The following OARD1 variants were observed in gnomAD, a reference collection of about 807,000 sequenced individuals.
OARD1 encodes the protein ADP-ribose glycohydrolase OARD1.
In OARD1, 19 loss-of-function variants were observed where a neutral mutation model predicts 19.7. The ratio of observed to expected loss-of-function variants is 0.96; its 90% CI spans 0.67 to 1.41. The LOEUF (loss-of-function observed/expected upper bound fraction) is 1.41, where lower values mean the gene tolerates loss of function less well. Among genes scored for constraint, OARD1 ranks in the 40% most tolerant of loss-of-function variants. The pLI, the probability that OARD1 is intolerant of heterozygous loss-of-function variation, is 0.00. For synonymous variants in OARD1, 70 were observed against 61.8 expected, an observed-to-expected ratio of 1.13 and a Z score of -0.62; for missense variants, 190 against 183.8, an observed-to-expected ratio of 1.03 and a Z score of -0.20.
chr6:41,073,528 G>A (rs1034108951), upstream of OARD1, among the ~76,000 whole-genome samples: 2 of 151,932 alleles, frequency 1.3e-5, no homozygotes, highest in African/African-American at 2.4e-5. Flanking sequence ...TCCACTCTCC[G>A]GCCCTTGGGA....
chr6:41,068,912 G>C lies in OARD1; in HGVS notation c.285C>G (p.Asn95Lys), dbSNP rs1372759618. 2 of 1,610,068 alleles carry C rather than the reference G, an allele frequency of 1.2e-6. No individual in the cohort carries two copies. The highest frequency in any genetic ancestry group is 8.5e-7 in the Non-Finnish European group (1 of 1,177,932). Residue 95 changes from asparagine to lysine, a missense_variant, in exon 5 of 6, where the codon AAC (asparagine) becomes AAG (lysine). By Grantham distance (94) the Asn-to-Lys change is moderately conservative. Coordinates refer to ENST00000424266, the MANE Select transcript of OARD1 (RefSeq NM_001329686.2). ...KRASHKPTYE[N>K]LQKSLEAMKS... ...TCATTGCCTCTAAACTCTTCTGTAA[G>C]TTTTCATAAGTTGGCTTGTGCGAAG...
At chr6:41,078,243 A>G (rs1763793679) in intron 1 of OARD1, among the ~76,000 whole-genome samples, 1 of 152,200 alleles carries the variant, frequency 6.6e-6, no homozygotes, top group African/African-American at 2.4e-5. Flanking sequence ...TTCTTCTTTC[A>G]CACTGTATTG....
chr6:41,089,872 C>T (rs1432788008), intron 1 of OARD1, among the ~76,000 whole-genome samples: 1 of 152,174 alleles, frequency 6.6e-6, no homozygotes, highest in African/African-American at 2.4e-5. Flanking sequence ...GTAATCCCAG[C>T]ACTTTGAGAG....
chr6:41,090,174 T>A, intron 1 of OARD1: 1 of 1,425,058 alleles, frequency 7.0e-7, no homozygotes, highest in Non-Finnish European at 9.9e-7. Context: ...TTGGGATCTG[T>A]TGAATTGTGT....
At chr6:41,091,610 C>A in intron 1 of OARD1, 2 of 1,614,174 alleles carry the variant, frequency 1.2e-6, no homozygotes, top group Non-Finnish European at 1.7e-6. Context: ...GAGCCAATAC[C>A]AACACAACCA....
chr6:41,077,434 C>G (rs928862877), upstream of OARD1, among the ~76,000 whole-genome samples: 1 of 152,156 alleles, frequency 6.6e-6, no homozygotes, highest in African/African-American at 2.4e-5. Flanking sequence ...ACCACTGATC[C>G]ATTTTCTGTC....
intron 1 of OARD1, chr6:41,090,097 G>A: frequency 1.4e-6 from 1 of 722,130 alleles, no homozygotes; most frequent in South Asian, 1.8e-5. Context: ...CCTGGCGACA[G>A]AGTGAGACTC....
In OARD1 at chr6:41,065,751, T is replaced by G. The variant is rs1033548319; in HGVS notation, c.*1584A>C. ...AGAACACAGTCTAAAGTACAAAGAT[T>G]ATATTTAACCAGTACTTTCCTGGTG... On this transcript the variant is annotated 3_prime_UTR_variant, in exon 6 of 6. Coordinates refer to ENST00000424266, the MANE Select transcript of OARD1 (RefSeq NM_001329686.2). The G allele has an allele frequency of 3.3e-5, 5 of 152,196 alleles. No homozygotes were observed. The highest frequency in any genetic ancestry group is 1.2e-4 in the African/African-American group (5 of 41,448). 9.4% of individuals were successfully genotyped at this position (152,196 alleles called of 1,614,324 possible). A position where few individuals can be genotyped will look rare whatever the true frequency, so the allele number is the denominator to read the frequency against.
chr6:41,088,647 G>A (rs544244451), intron 1 of OARD1, among the ~76,000 whole-genome samples: 2 of 151,722 alleles, frequency 1.3e-5, no homozygotes, highest in East Asian at 2.0e-4. Context: ...GCAGTGGTGC[G>A]GATCTTGGCT....
chr6:41,097,283 G>T (rs569500451), intron 1 of OARD1: 9 of 1,340,150 alleles, frequency 6.7e-6, no homozygotes, highest in African/African-American at 1.4e-5. Context: ...CTCTTGGGGG[G>T]ATAAGTAGTG....
Position 41,089,095 on chromosome 6 carries a change from G to A in OARD1, c.-42+8618C>T, listed in dbSNP as rs536021497. On this transcript the variant is annotated intron_variant, in intron 1 of 4. Transcript: ENST00000480585. ...CCGCCTCCGGTTCAAGTGATTTTCC[G>A]GCCTCAGTCTCCCAAGTAGCTGGGA... Among the ~76,000 whole-genome samples the A allele has an allele frequency of 7.9e-5, 12 of 151,824 alleles. No homozygotes were observed. In the East Asian group the frequency reaches 2.1e-3, roughly 27 times the overall value.
chr6:41,071,861 G>C (rs1242955557), intron 1 of OARD1, 186 bp from the exon 2 acceptor site: 1 of 535,914 alleles, frequency 1.9e-6, no homozygotes, highest in East Asian at 2.9e-5. Context: ...TAGGTTCGGA[G>C]GCTGTCTCGA....
chr6:41,078,329 T>C (rs1763796858), intron 1 of OARD1, among the ~76,000 whole-genome samples: 1 of 152,218 alleles, frequency 6.6e-6, no homozygotes, highest in East Asian at 1.9e-4. Flanking sequence ...GCCACGATAA[T>C]GAGCAGCTCA....
chr6:41,090,109 G>A, intron 1 of OARD1: 1 of 822,388 alleles, frequency 1.2e-6, no homozygotes, highest in African/African-American at 1.7e-5. Flanking sequence ...GTGAGACTCT[G>A]TCTCAAAAAA....
chr6:41,079,778 G>GA (rs1304555841), intron 1 of OARD1, among the ~76,000 whole-genome samples: 2 of 151,876 alleles, frequency 1.3e-5, no homozygotes. Flanking sequence ...CACCCCAGAA[G>GA]AAAAAAATGT....
At chr6:41,080,933 G>T in intron 1 of OARD1, 2 of 1,520,758 alleles carry the variant, frequency 1.3e-6, no homozygotes, top group South Asian at 2.2e-5. Context: ...AGCACTGCAT[G>T]AACTTCTCCT....
chr6:41,082,825 C>CT (rs1267317605), intron 1 of OARD1, among the ~76,000 whole-genome samples: 1 of 152,138 alleles, frequency 6.6e-6, no homozygotes, highest in Non-Finnish European at 1.5e-5. Context: ...GAGAGTCAGG[C>CT]TGTAAAGTCC....
At chr6:41,070,909 G>A (rs1561843934) in intron 3 of OARD1, 1 of 610,246 alleles carries the variant, frequency 1.6e-6, no homozygotes, top group Non-Finnish European at 2.9e-6. Flanking sequence ...CAGTAATATC[G>A]TCAAGAAAGT....
intron 5 of OARD1, among the ~76,000 whole-genome samples, chr6:41,068,432 G>A (rs558630199): frequency 7.2e-5 from 11 of 152,330 alleles, no homozygotes; most frequent in South Asian, 2.1e-4. Flanking sequence ...CTTTCTTGAC[G>A]CAAAGTAATA....
Sources: allele counts gnomAD v4.1 joint callset (sites outside exome capture counted in the v4.1 genomes callset), GRCh38; gene constraint gnomAD v4.1.1; transcripts MANE v1.5; gene names NCBI Gene and HGNC (gene_info 2026-07-23, HGNC 2026-07-21).